The following TNKS1BP1 variants were observed in gnomAD, a reference collection of about 807,000 sequenced individuals.
TNKS1BP1 encodes the protein 182 kDa tankyrase-1-binding protein.
TNKS1BP1 carries 48 observed loss-of-function variants against 141.1 expected under a neutral mutation model. The observed-to-expected ratio is 0.34, with a 90% CI of 0.27 to 0.43. The LOEUF (loss-of-function observed/expected upper bound fraction) is 0.43. Among genes scored for constraint, TNKS1BP1 ranks in the 20% least tolerant of loss-of-function variants. The pLI, the probability that TNKS1BP1 is intolerant of heterozygous loss-of-function variation, is 1.00. For synonymous variants in TNKS1BP1, 875 were observed against 898.2 expected, an observed-to-expected ratio of 0.97 and a Z score of 0.46; for missense variants, 2,149 against 2,226.0, an observed-to-expected ratio of 0.97 and a Z score of 0.70.
intron 1 of TNKS1BP1, among the ~76,000 whole-genome samples, chr11:57,324,182 CA>C (rs1388632883): frequency 6.6e-6 from 1 of 152,200 alleles, no homozygotes; most frequent in East Asian, 1.9e-4. Context: ...CTATGGACCC[CA>C]GGATCTCCAG....
In TNKS1BP1 at chr11:57,320,421, G is replaced by A. The variant is rs1565046916; in HGVS notation, c.386C>T (p.Pro129Leu). 1 of 1,610,018 alleles carries A rather than the reference G, an allele frequency of 6.2e-7. No individual in the cohort carries two copies. Among genetic ancestry groups the A allele is most frequent in the Non-Finnish European group, 8.5e-7 (1 of 1,176,962 alleles). Residue 129 changes from proline (P) to leucine (L), a missense_variant, in exon 3 of 12, where the codon CCT (proline) becomes CTT (leucine). Coordinates refer to ENST00000358252, the MANE Select transcript of TNKS1BP1 (RefSeq NM_033396.3). ...KEEAGKEEPP[P>L]LTPPARCAAP... is the part of the protein sequence containing the mutation. ...TGCACATCGAGCTGGGGGTGTCAAA[G>A]GGGGTGGCTCCTCTTTCCCAGCCTC...
Position 57,302,850 on chromosome 11 carries a change from G to A in TNKS1BP1, c.4317-25C>T, listed in dbSNP as rs770628835. On this transcript the variant is annotated intron_variant, in intron 6 of 11. Coordinates refer to ENST00000358252, the MANE Select transcript of TNKS1BP1 (RefSeq NM_033396.3). The surrounding 1 kb of genome is among the most constrained non-coding windows in gnomAD (Gnocchi z 5.5). The stretch of plus-strand genomic sequence containing the variant: ...GCTGTAAAGGGGACAGAGAGAGAAC[G>A]AGATCATCGTAAGGCCCCATCTCCC... 1.3e-5 allele frequency: 19 copies of A among 1,494,334 alleles called. No individual in the cohort carries two copies. The highest frequency in any genetic ancestry group is 5.3e-5 in the South Asian group (4 of 75,574). The allele number at this position is 1,494,334 out of a possible 1,614,324, so 92.6% of individuals were successfully genotyped here.
rs1334763266 is a variant in TNKS1BP1 at position 57,310,132 on chromosome 11, G to A, written c.2579C>T (p.Ala860Val). Residue 860 changes from alanine (A) to valine (V), a missense_variant, in exon 6 of 12, where the codon GCA (alanine) becomes GTA (valine). Transcript: ENST00000358252. ...TCCGAATTCCTGGTCCTGGAGTTCT[G>A]CATCCCGGCTGGAGTAAGTGCCCTG... Reference protein sequence around the residue: ...DSQGTYSSRDAELQDQEFGKR... With the variant: ...DSQGTYSSRDVELQDQEFGKR... The A allele has an allele frequency of 6.2e-7, 1 of 1,614,082 alleles. No homozygotes were observed. The highest frequency in any genetic ancestry group is 1.3e-5 in the African/African-American group (1 of 74,924).
In TNKS1BP1 at chr11:57,313,353, G is replaced by T. The variant is rs1554962570; in HGVS notation, c.1335C>A (p.Gly445=). Residue 445 remains glycine (G), a synonymous_variant, in exon 5 of 12, where the codon GGC becomes GGA. Coordinates refer to ENST00000358252, the MANE Select transcript of TNKS1BP1 (RefSeq NM_033396.3). ...GGCCTTGGGGCAGGGCAGCCAGCGA[G>T]CCCCCCAGCTTCTCCTGGTCCTGAC... ...SPSQDQEKLG[G]SLAALPQGQG... 1 of 1,612,684 alleles carries T rather than the reference G, an allele frequency of 6.2e-7. No individual in the cohort carries two copies. Among genetic ancestry groups the T allele is most frequent in the South Asian group, 1.1e-5 (1 of 91,046 alleles).
In TNKS1BP1 at chr11:57,302,739, ACCG is replaced by A. The variant is rs1855546834; in HGVS notation, c.4400_4402del (p.Ala1467del). On this transcript the variant is annotated inframe_deletion, in exon 7 of 12. Coordinates refer to ENST00000358252, the MANE Select transcript of TNKS1BP1 (RefSeq NM_033396.3). This position sits in a 1 kb window ranked among gnomAD's most constrained non-coding sequence, Gnocchi z 5.5. ...CGAGGCCGCTGACTCCCTCCGAGCC[ACCG>A]CCTTGGAGCTGCTGGCTGCCAGCAT... is the stretch of plus-strand genomic sequence containing the variant. 1.3e-6 allele frequency: 2 copies of A among 1,586,644 alleles called. No individual in the cohort carries two copies. Among genetic ancestry groups the A allele is most frequent in the Non-Finnish European group, 1.7e-6 (2 of 1,171,110 alleles).
chr11:57,312,675 T>A lies in TNKS1BP1; in HGVS notation c.2013A>T (p.Ala671=). Reference sequence around the variant, plus strand: ...TTTCAGGGCCTGGAGGCTCGGGGGATGCCCTACACAAGTCTTGAGCCTCTG... The same window carrying A: ...TTTCAGGGCCTGGAGGCTCGGGGGAAGCCCTACACAAGTCTTGAGCCTCTG... ...ARTEAQDLCR[A]SPEPPGPESS... is the part of the protein sequence containing the mutation. The change falls in exon 5 of 12, where the codon GCA becomes GCT. Residue 671 remains alanine, a synonymous_variant. Coordinates refer to ENST00000358252, the MANE Select transcript of TNKS1BP1 (RefSeq NM_033396.3). The A allele has an allele frequency of 6.3e-7, 1 of 1,582,116 alleles. No homozygotes were observed. Among genetic ancestry groups the A allele is most frequent in the Non-Finnish European group, 8.6e-7 (1 of 1,164,780 alleles).
In TNKS1BP1 at chr11:57,302,381, C is replaced by T. The variant is rs562775250; in HGVS notation, c.4683+78G>A. The T allele has an allele frequency of 3.2e-6, 5 of 1,543,968 alleles. No individual in the cohort carries two copies. In the South Asian group the frequency reaches 4.9e-5, roughly 15 times the overall value. ...CTTTCTGCCTCCTGGACTGGGACTG[C>T]TCAGGGAAGCTCCAGGAATGGGGCT... On this transcript the variant is annotated intron_variant, in intron 7 of 11. Transcript: ENST00000358252. This position sits in a 1 kb window ranked among gnomAD's most constrained non-coding sequence, Gnocchi z 5.5.
chr11:57,302,540 A>G lies in TNKS1BP1; in HGVS notation c.4602T>C (p.Asp1534=), dbSNP rs748733853. ...TWGSSAARWS[D]QGPAQTSRRP... ...GCCGAGAAGTCTGTGCTGGCCCCTG[A>G]TCGCTCCACCTGGCTGCTGAAGAGC... The change falls in exon 7 of 12, where the codon GAT becomes GAC. Residue 1534 remains aspartate, a synonymous_variant. Transcript: ENST00000358252. This position sits in a 1 kb window ranked among gnomAD's most constrained non-coding sequence, Gnocchi z 5.5. 1.2e-6 allele frequency: 2 copies of G among 1,613,126 alleles called. No individual in the cohort carries two copies. Among genetic ancestry groups the G allele is most frequent in the South Asian group, 1.1e-5 (1 of 90,914 alleles).
intron 11 of TNKS1BP1, among the ~76,000 whole-genome samples, chr11:57,300,319 C>T (rs1478197364): frequency 6.6e-6 from 1 of 152,222 alleles, no homozygotes; most frequent in East Asian, 1.9e-4. Flanking sequence ...TCCTCTTCCA[C>T]ACCAGGCCAG....
chr11:57,308,747 C>T lies in TNKS1BP1; in HGVS notation c.3964G>A (p.Val1322Met). ...GNNLGLRDLE[V>M]TCDPDSGGSQ... Reference sequence around the variant, plus strand: ...CCTCCAGAGTCTGGGTCACAGGTCACCTCCAAATCCCTCAGGCCCAGATTG... The same window carrying T: ...CCTCCAGAGTCTGGGTCACAGGTCATCTCCAAATCCCTCAGGCCCAGATTG... The change falls in exon 6 of 12, where the codon GTG becomes ATG. Residue 1322 changes from valine (V) to methionine (M), a missense_variant. Transcript: ENST00000358252. 1 of 1,613,970 alleles carries T rather than the reference C, an allele frequency of 6.2e-7. No homozygotes were observed.
chr11:57,302,255 T>C lies in TNKS1BP1; in HGVS notation c.4684-31A>G, dbSNP rs1855536273. 3 of 1,593,454 alleles carry C rather than the reference T, an allele frequency of 1.9e-6. No individual in the cohort carries two copies. The Admixed American group carries it at 5.1e-5, about 27-fold the overall frequency. On this transcript the variant is annotated intron_variant, in intron 7 of 11. Coordinates refer to ENST00000358252, the MANE Select transcript of TNKS1BP1 (RefSeq NM_033396.3). This position sits in a 1 kb window ranked among gnomAD's most constrained non-coding sequence, Gnocchi z 5.5. Reference sequence around the variant, plus strand: ...TGGGGCAATGGTGACACCACTGCCATTGCTGCCTCATCCCACGGGAGCCCC... The same window carrying C: ...TGGGGCAATGGTGACACCACTGCCACTGCTGCCTCATCCCACGGGAGCCCC...
rs1565046615 is a variant in TNKS1BP1 at position 57,320,087 on chromosome 11, A to AG, written c.719dup (p.Glu241Ter). On this transcript the variant is annotated frameshift_variant, in exon 3 of 12. Transcript: ENST00000358252. LOFTEE classifies it high-confidence loss of function. The stretch of plus-strand genomic sequence containing the variant: ...AACCTCCCACCCTTCACCTCTCCTC[A>AG]GGGGTCTTGCTGTGCTCTTCCCGGC... The AG allele has an allele frequency of 6.3e-7, 1 of 1,592,748 alleles. No individual in the cohort carries two copies. Among genetic ancestry groups the AG allele is most frequent in the Non-Finnish European group, 8.5e-7 (1 of 1,170,430 alleles).
chr11:57,309,041 C>T lies in TNKS1BP1; in HGVS notation c.3670G>A (p.Glu1224Lys). 6.2e-7 allele frequency: 1 copy of T among 1,614,198 alleles called. No homozygotes were observed. Among genetic ancestry groups the T allele is most frequent in the Non-Finnish European group, 8.5e-7 (1 of 1,180,036 alleles). ...SEEPGGIGVGEKDWTSDVNVK... is the reference protein window; with the variant it reads ...SEEPGGIGVGKKDWTSDVNVK... ...TTAACATCAGAAGTCCAGTCCTTCT[C>T]CCCAACTCCGATTCCCCCCGGCTCT... Residue 1224 changes from glutamate to lysine, a missense_variant, in exon 6 of 12, where the codon GAG becomes AAG. Physicochemically the swap from Glu to Lys is moderately conservative, Grantham distance 56. Coordinates refer to ENST00000358252, the MANE Select transcript of TNKS1BP1 (RefSeq NM_033396.3). This position sits in a 1 kb window ranked among gnomAD's most constrained non-coding sequence, Gnocchi z 4.3.
chr11:57,312,583 C>T lies in TNKS1BP1; in HGVS notation c.2105G>A (p.Gly702Glu), dbSNP rs747018261. The part of the protein sequence containing the change: ...PPPSGGGARR[G>E]AGAELKDTQS... ...TGTGTCCTTCAGCTCAGCTCCAGCT[C>T]CCCGCCTTGCACCGCCACCACTGGG... The change falls in exon 5 of 12, where the codon GGA (glycine) becomes GAA (glutamate). Residue 702 changes from glycine to glutamate, a missense_variant. Coordinates refer to ENST00000358252, the MANE Select transcript of TNKS1BP1 (RefSeq NM_033396.3). 6 of 1,516,288 alleles carry T rather than the reference C, an allele frequency of 4.0e-6. No individual in the cohort carries two copies. The allele number at this position is 1,516,288 out of a possible 1,614,324, so 93.9% of individuals were successfully genotyped here.
rs202182845 is a variant in TNKS1BP1 at position 57,320,396 on chromosome 11, T to C, written c.411A>G (p.Ala137=). The C allele has an allele frequency of 7.4e-5, 119 of 1,612,634 alleles. 3 individuals carry two copies. The East Asian group carries it at 2.7e-3, about 36-fold the overall frequency. Residue 137 remains alanine (A), a synonymous_variant, in exon 3 of 12, where the codon GCA becomes GCG. Transcript: ENST00000358252. ...PPPLTPPARC[A]APGGVRKAPA... ...GGGCCTTCCGTACACCCCCTGGGGC[T>C]GCACATCGAGCTGGGGGTGTCAAAG... is the stretch of plus-strand genomic sequence containing the variant.
At position 57,309,268 on chromosome 11, in the gene TNKS1BP1, A is replaced by C; in HGVS notation, c.3443T>G (p.Phe1148Cys). The C allele has an allele frequency of 6.2e-7, 1 of 1,614,110 alleles. No individual in the cohort carries two copies. The highest frequency in any genetic ancestry group is 8.5e-7 in the Non-Finnish European group (1 of 1,180,012). Residue 1148 changes from phenylalanine to cysteine, a missense_variant, in exon 6 of 12, where the codon TTT (phenylalanine) becomes TGT (cysteine). Physicochemically the swap from Phe to Cys is radical, Grantham distance 205. Transcript: ENST00000358252. The surrounding 1 kb of genome is among the most constrained non-coding windows in gnomAD (Gnocchi z 4.3). ...AGCTGTGGTCTTCCCAGGAGGCACA[A>C]AGTGACCACCTTCCATCTTGCTAGA... ...SPSSKMEGGH[F>C]VPPGKTTAGS...
chr11:57,320,039 C>A, intron 3 of TNKS1BP1, 40 bp downstream of exon 3: 4 of 1,592,536 alleles, frequency 2.5e-6, no homozygotes, highest in East Asian at 2.3e-5. Context: ...CCCACCTGAC[C>A]TCCAGGCTGC....
chr11:57,316,687 C>T (rs949709550), intron 4 of TNKS1BP1, among the ~76,000 whole-genome samples: 1 of 152,186 alleles, frequency 6.6e-6, no homozygotes. Flanking sequence ...TCCCCATCTC[C>T]ACCGTAGGCT....
chr11:57,317,607 GC>G (rs1855817405), intron 4 of TNKS1BP1, among the ~76,000 whole-genome samples: 2 of 152,196 alleles, frequency 1.3e-5, no homozygotes, highest in African/African-American at 4.8e-5. Context: ...ATGATGAATG[GC>G]CTCATGGCCT....
Sources: allele counts gnomAD v4.1 joint callset (sites outside exome capture counted in the v4.1 genomes callset), GRCh38; gene constraint gnomAD v4.1.1; non-coding constraint Gnocchi (gnomAD v3.1); transcripts MANE v1.5; gene names NCBI Gene and HGNC (gene_info 2026-07-23, HGNC 2026-07-21).